ALK: variants seen among roughly 807,000 people sequenced by gnomAD.
The protein encoded by ALK is ALK tyrosine kinase receptor.
Under a neutral mutation model 163.1 loss-of-function variants are expected in ALK, and 74 were observed. That is an observed-to-expected ratio of 0.45 (90% CI 0.38 to 0.55). The LOEUF (loss-of-function observed/expected upper bound fraction) is 0.55, where lower values mean the gene tolerates loss of function less well. ALK is among the 20% of genes least tolerant of loss of function. The pLI, the probability that ALK is intolerant of heterozygous loss-of-function variation, is 0.00. For missense variants in ALK, 2,063 were observed against 2,105.3 expected (o/e 0.98, Z 0.39); for synonymous variants, 960 against 843.2 (o/e 1.14, Z -2.40).
Position 29,196,735 on chromosome 2 carries a change from G to A in ALK, c.4164+35C>T, listed in dbSNP as rs1669031718. The A allele has an allele frequency of 2.7e-6, 4 of 1,466,534 alleles. No homozygotes were observed. In the Admixed American group the frequency reaches 6.7e-5, roughly 25 times the overall value. 90.8% of individuals were successfully genotyped at this position (1,466,534 alleles called of 1,614,324 possible). ...GCCATCTTTAAGACTGTTTCATATA[G>A]AGTAAATGTTGACCAAAGGGAGAAA... is the stretch of plus-strand genomic sequence containing the variant. On this transcript the variant is annotated intron_variant, in intron 28 of 28. Coordinates refer to ENST00000389048, the MANE Select transcript of ALK (RefSeq NM_004304.5).
At position 29,777,748 on chromosome 2, in the gene ALK, T is replaced by C. The variant is rs1483122520; in HGVS notation, c.668-60051A>G. Among the ~76,000 whole-genome samples, 5 of 152,224 alleles carry C rather than the reference T, an allele frequency of 3.3e-5. No homozygotes were observed. In the East Asian group the frequency reaches 7.7e-4, roughly 23 times the overall value. On this transcript the variant is annotated intron_variant, in intron 1 of 28. Coordinates refer to ENST00000389048, the MANE Select transcript of ALK (RefSeq NM_004304.5). The stretch of plus-strand genomic sequence containing the variant: ...ATGTCTAGGATGGGGTCTAAGGTGC[T>C]ATGTTCTGCCAAGCTCCAAGATGAT...
At chr2:29,201,484 C>A (rs145223231) in intron 26 of ALK, among the ~76,000 whole-genome samples, 1 of 152,196 alleles carries the variant, frequency 6.6e-6, no homozygotes, top group Non-Finnish European at 1.5e-5. Flanking sequence ...CCTGTTAACT[C>A]TACATTCAAG....
In ALK at chr2:29,394,600, G is replaced by A. The variant is rs149113208; in HGVS notation, c.1155-10741C>T. On this transcript the variant is annotated intron_variant, in intron 4 of 28. Transcript: ENST00000389048. ...CTTAGAATTAGAGAAGAGACCACAG[G>A]AGGGGATTCCAGTGGGGGTTTTCCA... Among the ~76,000 whole-genome samples the A allele has an allele frequency of 2.0e-3, 307 of 152,318 alleles. 6 individuals carry two copies. The highest frequency in any genetic ancestry group is 4.9e-4 in the Non-Finnish European group (33 of 68,030).
At chr2:29,578,186 G>C (rs911505577) in intron 3 of ALK, among the ~76,000 whole-genome samples, 1 of 151,828 alleles carries the variant, frequency 6.6e-6, no homozygotes, top group Non-Finnish European at 1.5e-5. Flanking sequence ...TTTTAAAAAC[G>C]AGTTTCCCTA....
At chr2:29,753,876 C>T (rs1333952811) in intron 1 of ALK, among the ~76,000 whole-genome samples, 1 of 152,220 alleles carries the variant, frequency 6.6e-6, no homozygotes, top group Non-Finnish European at 1.5e-5. Flanking sequence ...TTGGCATTAG[C>T]ACCAAAATAC....
intron 3 of ALK, among the ~76,000 whole-genome samples, chr2:29,643,042 T>C (rs906142699): frequency 1.1e-4 from 16 of 151,830 alleles, no homozygotes; most frequent in African/African-American, 3.6e-4. Flanking sequence ...TAATAGAAAG[T>C]AAGAAGTGAA....
intron 3 of ALK, among the ~76,000 whole-genome samples, chr2:29,659,789 T>C (rs1234067443): frequency 6.6e-6 from 1 of 152,146 alleles, no homozygotes; most frequent in Admixed American, 6.6e-5. Context: ...CGGATAATGT[T>C]TAAAGAAAAG....
intron 9 of ALK, among the ~76,000 whole-genome samples, chr2:29,283,301 C>T (rs556764577): frequency 5.3e-4 from 81 of 152,300 alleles, no homozygotes; most frequent in African/African-American, 1.8e-3. Context: ...TCCGTACCAT[C>T]GGAAAAGTAG....
intron 1 of ALK, among the ~76,000 whole-genome samples, chr2:29,885,027 C>G (rs1470061129): frequency 6.6e-6 from 1 of 152,182 alleles, no homozygotes; most frequent in Non-Finnish European, 1.5e-5. Context: ...CAGCTGCTAA[C>G]TCCTAAACCT....
intron 4 of ALK, among the ~76,000 whole-genome samples, chr2:29,416,828 A>G (rs1669890838): frequency 6.6e-6 from 1 of 152,104 alleles, no homozygotes; most frequent in African/African-American, 2.4e-5. Flanking sequence ...CTGAACTTCA[A>G]CTTTTCCATC....
intron 5 of ALK, among the ~76,000 whole-genome samples, chr2:29,355,203 G>T (rs1482089511): frequency 6.6e-6 from 1 of 152,140 alleles, no homozygotes; most frequent in Non-Finnish European, 1.5e-5. Context: ...CATTTGTGTG[G>T]TGCATTCACA....
rs72852040 is a variant in ALK, at chr2:29,225,806, C to A, written c.3068-241G>T. On this transcript the variant is annotated intron_variant, in intron 18 of 28. Transcript: ENST00000389048. ...ATTTAACAGGGATGAATATCAGTGG[C>A]GGGATGTTGGTTTGAAACATGAGCT... Among the ~76,000 whole-genome samples the A allele has an allele frequency of 0.02, 3,007 of 152,180 alleles. 92 individuals are homozygous for A. The highest frequency in any genetic ancestry group is 0.063 in the African/African-American group (2,612 of 41,520).
At chr2:29,883,100 G>A (rs1475836430) in intron 1 of ALK, among the ~76,000 whole-genome samples, 1 of 149,478 alleles carries the variant, frequency 6.7e-6, no homozygotes, top group Non-Finnish European at 1.5e-5. Flanking sequence ...AGAGGAAGGA[G>A]GAAGGAAGAA....
chr2:29,815,807 G>A (rs958092363), intron 1 of ALK, among the ~76,000 whole-genome samples: 1 of 152,074 alleles, frequency 6.6e-6, no homozygotes, highest in East Asian at 1.9e-4. Context: ...CCAAAACTGA[G>A]GCCCTGGAAA....
In ALK at chr2:29,581,186, G is replaced by C. The variant is rs140633135; in HGVS notation, c.953-49070C>G. Among the ~76,000 whole-genome samples, 374 of 152,186 alleles carry C rather than the reference G, an allele frequency of 2.5e-3. 13 individuals are homozygous for C. In the East Asian group the frequency reaches 0.061, roughly 25 times the overall value. On this transcript the variant is annotated intron_variant, in intron 3 of 28. Coordinates refer to ENST00000389048, the MANE Select transcript of ALK (RefSeq NM_004304.5). ...GGGCGGATCACGAGATCAAGAGATC[G>C]AGACCATCCTGGCCAACATGGTGAA... is the stretch of plus-strand genomic sequence containing the variant.
In ALK at chr2:29,574,073, A is replaced by AC. The variant is rs1197901415; in HGVS notation, c.953-41958_953-41957insG. On this transcript the variant is annotated intron_variant, in intron 3 of 28. Coordinates refer to ENST00000389048, the MANE Select transcript of ALK (RefSeq NM_004304.5). The stretch of plus-strand genomic sequence containing the variant: ...CCCCTATCTGAAAAAAATAAAAAAA[A>AC]AAATGTCCTTGCAGCATTTACTGAT... Among the ~76,000 whole-genome samples the AC allele has an allele frequency of 3.3e-5, 5 of 151,680 alleles. No individual in the cohort carries two copies. The East Asian group carries it at 9.7e-4, about 29-fold the overall frequency.
chr2:29,461,752 T>C (rs1333234143), intron 4 of ALK, among the ~76,000 whole-genome samples: 1 of 152,168 alleles, frequency 6.6e-6, no homozygotes, highest in Non-Finnish European at 1.5e-5. Flanking sequence ...ACAACATCCA[T>C]TTTGCAGCCC....
intron 9 of ALK, among the ~76,000 whole-genome samples, chr2:29,284,319 G>A (rs548682897): frequency 3.2e-4 from 49 of 152,136 alleles, no homozygotes; most frequent in African/African-American, 2.2e-4. Context: ...TTCCTGGCGC[G>A]GGGGTGGGGG....
At chr2:29,380,729 T>TG (rs1198660874) in intron 5 of ALK, among the ~76,000 whole-genome samples, 1 of 152,170 alleles carries the variant, frequency 6.6e-6, no homozygotes, top group African/African-American at 2.4e-5. Flanking sequence ...CCACCGTGCC[T>TG]GGCCCACTGC....
Sources: gnomAD v4.1 joint callset for allele counts (sites outside exome capture counted in the v4.1 genomes callset) on GRCh38, gnomAD v4.1.1 for gene constraint, MANE v1.5 for transcripts, NCBI Gene and HGNC (gene_info 2026-07-23, HGNC 2026-07-21) for gene names.